The following RAPH1 variants were observed in gnomAD, a reference collection of about 807,000 sequenced individuals.
RAPH1 encodes Ras association (RalGDS/AF-6) and pleckstrin homology domains 1, also known as ras-associated and pleckstrin homology domains-containing protein 1.
In RAPH1, 18 loss-of-function variants were observed where a neutral mutation model predicts 88.1. The observed-to-expected ratio is 0.20, with a 90% CI of 0.14 to 0.30. The LOEUF is 0.30. Ranked by LOEUF, RAPH1 falls within the 10% of genes least tolerant of loss-of-function variation. The pLI is 1.00. For missense variants in RAPH1, 1,448 were observed against 1,543.2 expected, an observed-to-expected ratio of 0.94 and a Z score of 1.03; for synonymous variants, 587 against 559.0, an observed-to-expected ratio of 1.05 and a Z score of -0.71.
chr2:203,519,872 T>C (rs1689785750), intron 1 of RAPH1, among the ~76,000 whole-genome samples: 1 of 152,182 alleles, frequency 6.6e-6, no homozygotes, highest in Admixed American at 6.5e-5. Context: ...TATCAAACAC[T>C]CATACAGCCA....
At chr2:203,499,599 G>C (rs1688653689) in intron 1 of RAPH1, among the ~76,000 whole-genome samples, 1 of 152,124 alleles carries the variant, frequency 6.6e-6, no homozygotes, top group South Asian at 2.1e-4. Flanking sequence ...TGTAATCCCA[G>C]CTACTTGAGA....
chr2:203,524,332 T>G (rs1302427014), intron 1 of RAPH1, among the ~76,000 whole-genome samples: 1 of 152,148 alleles, frequency 6.6e-6, no homozygotes, highest in Non-Finnish European at 1.5e-5. Context: ...CTGTTGGATA[T>G]AAAATGATAC....
In RAPH1 at chr2:203,440,943, G is replaced by C; in HGVS notation, c.2247C>G (p.Ile749Met). ...CCTGAGTAATATGCTGAACTTGATG[G>C]ATCTTCAGTGGAGGAGGCGGGGCAC... ...QFSAPPPPLKIHQVQHITQVA... is the reference protein window; with the variant it reads ...QFSAPPPPLKMHQVQHITQVA... Residue 749 changes from isoleucine to methionine, a missense_variant, in exon 14 of 14, where the codon ATC becomes ATG. By Grantham distance (10) the Ile-to-Met change is conservative. Transcript: ENST00000319170. The C allele has an allele frequency of 6.4e-7, 1 of 1,571,806 alleles. No homozygotes were observed. The highest frequency in any genetic ancestry group is 8.6e-7 in the Non-Finnish European group (1 of 1,160,546).
intron 1 of RAPH1, among the ~76,000 whole-genome samples, chr2:203,525,070 A>G (rs1375850413): frequency 6.6e-6 from 1 of 152,270 alleles, no homozygotes; most frequent in African/African-American, 2.4e-5. Flanking sequence ...ACATCTGTCC[A>G]TAAAAAGACT....
intron 1 of RAPH1, among the ~76,000 whole-genome samples, chr2:203,516,394 T>C (rs1305691912): frequency 6.6e-6 from 1 of 152,250 alleles, no homozygotes; most frequent in East Asian, 1.9e-4. Context: ...ATATGGCAGA[T>C]ATTAATCCAA....
rs2098499956 is a variant in RAPH1 at position 203,438,137 on chromosome 2, C to CAGT, written c.*1299_*1300insACT. ...GGACTGTCCCACTCCATCAGAACAC[C>CAGT]TAGTAACCTGAACTAATCACAACCA... On this transcript the variant is annotated 3_prime_UTR_variant, in exon 14 of 14. Transcript: ENST00000319170. The CAGT allele has an allele frequency of 1.9e-6, 1 of 518,670 alleles. No individual in the cohort carries two copies. Among genetic ancestry groups the CAGT allele is most frequent in the Non-Finnish European group, 3.8e-6 (1 of 259,834 alleles). The allele number at this position is 518,670 out of a possible 1,614,324, so 32.1% of individuals were successfully genotyped here. A position where few individuals can be genotyped will look rare whatever the true frequency, so the allele number is the denominator to read the frequency against.
Position 203,439,396 on chromosome 2 carries a change from G to T in RAPH1, c.*41C>A. ...CAGATGATCAGGTGAGCTGATTGTAGCAGTGATTACAGATATCATGAAAAT... is the reference window on the plus strand; with the variant it reads ...CAGATGATCAGGTGAGCTGATTGTATCAGTGATTACAGATATCATGAAAAT... On this transcript the variant is annotated 3_prime_UTR_variant, in exon 14 of 14. Transcript: ENST00000319170. 1 of 1,572,756 alleles carries T rather than the reference G, an allele frequency of 6.4e-7. No individual in the cohort carries two copies. Among genetic ancestry groups the T allele is most frequent in the Non-Finnish European group, 8.7e-7 (1 of 1,149,240 alleles).
rs1488308709 is a variant in RAPH1, at chr2:203,434,056, C to CTATCTATATATATA, written c.*5380_*5381insTATATATATAGATA. ...CTCTCTCATATATCTATCTATCTAT[C>CTATCTATATATATA]TATATATATATATATATATATATAG... On this transcript the variant is annotated 3_prime_UTR_variant, in exon 14 of 14. Transcript: ENST00000319170. 2.5e-4 allele frequency: 36 copies of CTATCTATATATATA among 145,688 alleles called. No individual in the cohort carries two copies. Among genetic ancestry groups the CTATCTATATATATA allele is most frequent in the African/African-American group, 7.9e-4 (31 of 39,314 alleles). The allele number at this position is 145,688 out of a possible 1,614,324, so 9.0% of individuals were successfully genotyped here. A position where few individuals can be genotyped will look rare whatever the true frequency, so the allele number is the denominator to read the frequency against.
At chr2:203,523,803 G>A (rs1689998053) in intron 1 of RAPH1, among the ~76,000 whole-genome samples, 1 of 152,110 alleles carries the variant, frequency 6.6e-6, no homozygotes, top group Non-Finnish European at 1.5e-5. Context: ...TCAGGAGACC[G>A]AGACCATCCT....
At chr2:203,493,494 T>C (rs886568187) in intron 2 of RAPH1, among the ~76,000 whole-genome samples, 2 of 152,154 alleles carry the variant, frequency 1.3e-5, no homozygotes, top group African/African-American at 4.8e-5. Flanking sequence ...TTCCTCTCTC[T>C]CCCAGAGCAG....
At chr2:203,476,978 G>C (rs1581317731) in intron 4 of RAPH1, 5 of 857,228 alleles carry the variant, frequency 5.8e-6, no homozygotes, top group East Asian at 2.5e-5. Flanking sequence ...ATTTTTATTT[G>C]AAAAACTGAA....
At chr2:203,506,012 G>T (rs1688975675) in intron 1 of RAPH1, among the ~76,000 whole-genome samples, 1 of 152,146 alleles carries the variant, frequency 6.6e-6, no homozygotes. Flanking sequence ...AAACGGTCTT[G>T]AAACTATGGA....
Position 203,535,208 on chromosome 2 carries a change from C to A in RAPH1, c.-98G>T. On this transcript the variant is annotated 5_prime_UTR_variant, in exon 1 of 14. Coordinates refer to ENST00000319170, the MANE Select transcript of RAPH1 (RefSeq NM_213589.3). ...CCGCCTCCTCCCCAGGCGCGGCGCT[C>A]CCTCGCCAGAGACGCAGCGACTGCC... 6.6e-6 allele frequency: 1 copy of A among 152,556 alleles called. No homozygotes were observed. The highest frequency in any genetic ancestry group is 2.0e-4 in the South Asian group (1 of 4,962). The allele number at this position is 152,556 out of a possible 1,614,324, so 9.5% of individuals were successfully genotyped here.
Position 203,489,592 on chromosome 2 carries a change from T to C in RAPH1, c.724A>G (p.Ile242Val). 12 of 1,514,636 alleles carry C rather than the reference T, an allele frequency of 7.9e-6. No individual in the cohort carries two copies. Among genetic ancestry groups the C allele is most frequent in the South Asian group, 1.4e-5 (1 of 71,210 alleles). The allele number at this position is 1,514,636 out of a possible 1,614,324, so 93.8% of individuals were successfully genotyped here. A position where few individuals can be genotyped will look rare whatever the true frequency, so the allele number is the denominator to read the frequency against. Reference protein sequence around the residue: ...ELDLTHQGQPITEEEQAAKLK... With the variant: ...ELDLTHQGQPVTEEEQAAKLK... The stretch of plus-strand genomic sequence containing the variant: ...AAGTTCCATTTATTTACCTCAGTAA[T>C]TGGCTGCCCTTGATGTGTCAAATCC... Residue 242 changes from isoleucine (I) to valine (V), a missense_variant, in exon 4 of 14, where the codon ATT (isoleucine) becomes GTT (valine). Ile to Val is a conservative substitution (Grantham distance 29). Transcript: ENST00000319170.
At chr2:203,512,081 C>A (rs1419482744) in intron 1 of RAPH1, among the ~76,000 whole-genome samples, 5 of 152,006 alleles carry the variant, frequency 3.3e-5, no homozygotes. Context: ...CCAATGCACT[C>A]CAGCCTGGTG....
chr2:203,481,089 A>T (rs953270819), intron 4 of RAPH1, among the ~76,000 whole-genome samples: 5 of 152,184 alleles, frequency 3.3e-5, no homozygotes, highest in South Asian at 2.1e-4. Context: ...AAATATTTTT[A>T]AAAAATACAA....
rs532881035 is a variant in RAPH1 at position 203,476,320 on chromosome 2, G to A, written c.732+13264C>T. Among the ~76,000 whole-genome samples, 5 of 152,162 alleles carry A rather than the reference G, an allele frequency of 3.3e-5. No individual in the cohort carries two copies. The East Asian group carries it at 5.8e-4, about 18-fold the overall frequency. ...TGAGTAGCTGGGATTACAGGCATGT[G>A]CCACCAAGCCTGGCTAATTTTTGTA... On this transcript the variant is annotated intron_variant, in intron 4 of 13. Transcript: ENST00000319170.
intron 4 of RAPH1, among the ~76,000 whole-genome samples, chr2:203,484,960 T>C (rs917978968): frequency 7.2e-5 from 11 of 152,234 alleles, no homozygotes; most frequent in South Asian, 2.1e-4. Flanking sequence ...AAATAGCTCA[T>C]TGTAAGGGAA....
intron 4 of RAPH1, among the ~76,000 whole-genome samples, chr2:203,479,807 A>G (rs900663358): frequency 4.6e-5 from 7 of 152,170 alleles, no homozygotes; most frequent in Non-Finnish European, 5.9e-5. Flanking sequence ...ATGAATAAAA[A>G]GGGATTATAG....
Sources: gnomAD v4.1 joint callset for allele counts (sites outside exome capture counted in the v4.1 genomes callset) on GRCh38, gnomAD v4.1.1 for gene constraint, MANE v1.5 for transcripts, NCBI Gene and HGNC (gene_info 2026-07-23, HGNC 2026-07-21) for gene names.